TOM1L1: variants seen among roughly 807,000 people sequenced by gnomAD.
TOM1L1 encodes the protein TOM1-like protein 1.
Under a neutral mutation model 63.4 loss-of-function variants are expected in TOM1L1, and 64 were observed. The observed-to-expected ratio is 1.01, with a 90% CI of 0.83 to 1.24. The LOEUF is 1.24. Among genes scored for constraint, TOM1L1 ranks in the 50% most tolerant of loss-of-function variants. The pLI is 0.00. For missense variants in TOM1L1, 536 were observed against 567.0 expected (o/e 0.95, Z 0.55); for synonymous variants, 166 against 194.4 (o/e 0.85, Z 1.22).
intron 11 of TOM1L1, among the ~76,000 whole-genome samples, chr17:54,945,880 T>C (rs956523843): frequency 2.0e-5 from 3 of 152,202 alleles, no homozygotes; most frequent in Non-Finnish European, 4.4e-5. Flanking sequence ...CGATATCTGT[T>C]ATTGTCTTCT....
At position 54,903,750 on chromosome 17, in the gene TOM1L1, A is replaced by G; in HGVS notation, c.101A>G (p.Gln34Arg). 6.2e-7 allele frequency: 1 copy of G among 1,614,232 alleles called. No individual in the cohort carries two copies. The highest frequency in any genetic ancestry group is 8.5e-7 in the Non-Finnish European group (1 of 1,180,034). ...GGAGTTCAGACTGAAGATTGGGGCC[A>G]GTTCATGCACATCTGTGACATAATT... ...FAGVQTEDWG[Q>R]FMHICDIINT... The change falls in exon 2 of 16, where the codon CAG (glutamine) becomes CGG (arginine). Residue 34 changes from glutamine (Q) to arginine (R), a missense_variant. Physicochemically the swap from Gln to Arg is conservative, Grantham distance 43. Coordinates refer to ENST00000575882, the MANE Select transcript of TOM1L1 (RefSeq NM_005486.3).
At chr17:54,926,567 C>T (rs1386274315) in intron 7 of TOM1L1, among the ~76,000 whole-genome samples, 1 of 151,264 alleles carries the variant, frequency 6.6e-6, no homozygotes, top group Non-Finnish European at 1.5e-5. Context: ...TACAGAAAGC[C>T]TTACTCTAAC....
intron 3 of TOM1L1, among the ~76,000 whole-genome samples, chr17:54,906,171 TA>T (rs536062822): frequency 6.7e-6 from 1 of 149,388 alleles, no homozygotes; most frequent in Admixed American, 6.7e-5. Flanking sequence ...CCTCAACTCT[TA>T]AAAAAAAAGT....
intron 8 of TOM1L1, among the ~76,000 whole-genome samples, chr17:54,934,854 A>C (rs2048921431): frequency 6.6e-6 from 1 of 152,056 alleles, no homozygotes. Context: ...GGTAGCTGGA[A>C]TTAGAGACAC....
Position 54,930,064 on chromosome 17 carries a change from C to A in TOM1L1, c.721-9C>A, listed in dbSNP as rs9889882. On this transcript the variant is annotated splice_polypyrimidine_tract_variant and intron_variant, in intron 7 of 15. Coordinates refer to ENST00000575882, the MANE Select transcript of TOM1L1 (RefSeq NM_005486.3). Reference sequence around the variant, plus strand: ...GTGGAAGAAGAAATCTCTCTCCTTTCTTTGACAGAAACTCTATAAAACAGG... The same window carrying A: ...GTGGAAGAAGAAATCTCTCTCCTTTATTTGACAGAAACTCTATAAAACAGG... The A allele has an allele frequency of 6.2e-7, 1 of 1,613,838 alleles. No individual in the cohort carries two copies. The highest frequency in any genetic ancestry group is 8.5e-7 in the Non-Finnish European group (1 of 1,179,916).
At chr17:54,914,005 T>A in intron 5 of TOM1L1, 132 bp downstream of exon 5, 1 of 976,320 alleles carries the variant, frequency 1.0e-6, no homozygotes, top group Non-Finnish European at 1.4e-6. Context: ...TATTGCAATA[T>A]CTCATAGAAT....
intron 5 of TOM1L1, 53 bp downstream of exon 5, chr17:54,913,926 CTT>C: frequency 6.5e-7 from 1 of 1,549,688 alleles, no homozygotes; most frequent in African/African-American, 1.4e-5. Flanking sequence ...TCACTTGGGT[CTT>C]TTCTCATTAC....
intron 11 of TOM1L1, among the ~76,000 whole-genome samples, chr17:54,943,441 GGTGTGTGTGTGTGT>G (rs10694555): frequency 7.4e-5 from 10 of 134,440 alleles, no homozygotes; most frequent in African/African-American, 1.4e-4. Flanking sequence ...TTTGTATAAT[GGTGTGTGTGTGTGT>G]GTGTGTGTGT....
At chr17:54,955,161 C>T (rs992775275) in intron 14 of TOM1L1, 1 of 152,200 alleles carries the variant, frequency 6.6e-6, no homozygotes, top group African/African-American at 2.4e-5. Flanking sequence ...ACTTCTGGTC[C>T]TCTTTGCTGG....
intron 14 of TOM1L1, among the ~76,000 whole-genome samples, chr17:54,958,600 G>A (rs936261907): frequency 2.6e-5 from 4 of 152,116 alleles, no homozygotes; most frequent in South Asian, 2.1e-4. Flanking sequence ...GCGTGGTAGC[G>A]GGTGTCTGTA....
At chr17:54,954,233 C>A (rs1327728990) in intron 14 of TOM1L1, 2 of 152,210 alleles carry the variant, frequency 1.3e-5, no homozygotes, top group African/African-American at 4.8e-5. Context: ...GGTCTGCACA[C>A]CTGGCCAGGT....
chr17:54,905,999 G>A (rs2934933), intron 3 of TOM1L1, among the ~76,000 whole-genome samples: 2,087 of 152,024 alleles, frequency 0.014, 42 homozygotes, highest in African/African-American at 0.048. Context: ...GTGAGAGCCC[G>A]TCTCTACAAA....
chr17:54,922,151 G>T (rs2048694510), intron 7 of TOM1L1, among the ~76,000 whole-genome samples: 3 of 152,088 alleles, frequency 2.0e-5, no homozygotes, highest in Admixed American at 2.0e-4. Flanking sequence ...AAATTAGCCA[G>T]GTATGGTGGT....
intron 7 of TOM1L1, chr17:54,916,193 G>A: frequency 2.7e-6 from 1 of 376,620 alleles, no homozygotes; most frequent in Non-Finnish European, 4.7e-6. Context: ...CTGTGATATA[G>A]GAAGGGATGT....
At chr17:54,903,862 T>A (rs1318402192) in intron 2 of TOM1L1, 70 bp downstream of exon 2, 1 of 1,403,534 alleles carries the variant, frequency 7.1e-7, no homozygotes, top group Non-Finnish European at 1.0e-6. Flanking sequence ...CGTTTTCTCT[T>A]GCAAATATTT....
intron 5 of TOM1L1, 144 bp downstream of exon 5, chr17:54,914,017 A>G: frequency 1.0e-6 from 1 of 962,112 alleles, no homozygotes; most frequent in Non-Finnish European, 1.4e-6. Context: ...TCATAGAATA[A>G]CCGAGACTTG....
chr17:54,952,107 T>C (rs2049263759), intron 14 of TOM1L1: 1 of 152,186 alleles, frequency 6.6e-6, no homozygotes, highest in African/African-American at 2.4e-5. Flanking sequence ...TTGAAATTTT[T>C]CTAATCTGGA....
chr17:54,919,036 C>A (rs1291808586), intron 7 of TOM1L1, among the ~76,000 whole-genome samples: 1 of 152,172 alleles, frequency 6.6e-6, no homozygotes, highest in East Asian at 1.9e-4. Flanking sequence ...TGACCTTAGG[C>A]AAGTCATTTA....
At chr17:54,951,342 C>T (rs2049230671) in intron 14 of TOM1L1, among the ~76,000 whole-genome samples, 1 of 152,226 alleles carries the variant, frequency 6.6e-6, no homozygotes. Flanking sequence ...TATCCAGAAA[C>T]TGACCTGACC....
Sources: allele counts gnomAD v4.1 joint callset (sites outside exome capture counted in the v4.1 genomes callset), GRCh38; gene constraint gnomAD v4.1.1; transcripts MANE v1.5; gene names NCBI Gene and HGNC (gene_info 2026-07-23, HGNC 2026-07-21).